Variants in ANKRD12 observed in about 807,000 individuals in gnomAD.
The protein encoded by ANKRD12 is ankyrin repeat domain 12.
Under a neutral mutation model 183.4 loss-of-function variants are expected in ANKRD12, and 85 were observed. The observed-to-expected ratio is 0.46, with a 90% CI of 0.39 to 0.56. The LOEUF is 0.56. Among genes scored for constraint, ANKRD12 ranks in the 20% least tolerant of loss-of-function variants. The pLI, the probability that ANKRD12 is intolerant of heterozygous loss-of-function variation, is 0.00. For missense variants in ANKRD12, 2,405 were observed against 2,357.1 expected (o/e 1.02, Z -0.42); for synonymous variants, 914 against 800.2 (o/e 1.14, Z -2.40).
At chr18:9,164,803 A>T (rs2031856955) in intron 1 of ANKRD12, among the ~76,000 whole-genome samples, 1 of 152,142 alleles carries the variant, frequency 6.6e-6, no homozygotes, top group South Asian at 2.1e-4. Flanking sequence ...GGAGTGTTTT[A>T]TTAATAATTG....
In ANKRD12 at chr18:9,258,381, C is replaced by T; in HGVS notation, c.5114C>T (p.Pro1705Leu). The T allele has an allele frequency of 6.2e-7, 1 of 1,613,638 alleles. No individual in the cohort carries two copies. Among genetic ancestry groups the T allele is most frequent in the Non-Finnish European group, 8.5e-7 (1 of 1,179,884 alleles). ...AACCATTCACAGCAGTCAACTCAAC[C>T]AGAAATGCATAAATATGGTCAGTTA... The part of the protein sequence containing the change: ...LENHSQQSTQ[P>L]EMHKYGQLVK... Residue 1705 changes from proline (P) to leucine (L), a missense_variant, in exon 9 of 13, where the codon CCA becomes CTA. This residue lies in a region of ANKRD12 where 1,983 missense variants were observed against 1,725.9 expected (regional missense o/e 1.15). Coordinates refer to ENST00000262126, the MANE Select transcript of ANKRD12 (RefSeq NM_015208.5).
intron 8 of ANKRD12, 134 bp downstream of exon 8, chr18:9,222,133 A>G: frequency 9.1e-7 from 1 of 1,102,352 alleles, no homozygotes; most frequent in Non-Finnish European, 1.3e-6. Flanking sequence ...ATGCTTAGCT[A>G]ACTAGCTAAG....
At chr18:9,278,783 CA>C (rs567385765) in intron 11 of ANKRD12, among the ~76,000 whole-genome samples, 160 of 136,230 alleles carry the variant, frequency 1.2e-3, no homozygotes, top group East Asian at 4.2e-3. Context: ...GACTCCATCT[CA>C]AAAAAAAAAA....
chr18:9,141,736 A>G (rs2078322516), intron 1 of ANKRD12, among the ~76,000 whole-genome samples: 1 of 152,192 alleles, frequency 6.6e-6, no homozygotes, highest in South Asian at 2.1e-4. Flanking sequence ...AAAATATGTA[A>G]TAGTTTACCT....
At chr18:9,272,870 A>C (rs1424672423) in intron 10 of ANKRD12, among the ~76,000 whole-genome samples, 2 of 152,128 alleles carry the variant, frequency 1.3e-5, no homozygotes, top group Non-Finnish European at 2.9e-5. Flanking sequence ...ACTCTGCAAT[A>C]ATACATTTTT....
intron 1 of ANKRD12, among the ~76,000 whole-genome samples, chr18:9,182,151 C>CT (rs912786960): frequency 2.0e-5 from 3 of 152,144 alleles, no homozygotes; most frequent in African/African-American, 7.2e-5. Context: ...ATACCCAAAA[C>CT]TGGAGATGTT....
intron 1 of ANKRD12, among the ~76,000 whole-genome samples, chr18:9,138,043 G>A (rs543293056): frequency 6.6e-6 from 1 of 152,368 alleles, no homozygotes; most frequent in African/African-American, 2.4e-5. Context: ...CTAAGGTGAA[G>A]TGTGTTGCAG....
At chr18:9,262,544 C>T (rs2039030389) in intron 9 of ANKRD12, among the ~76,000 whole-genome samples, 1 of 152,126 alleles carries the variant, frequency 6.6e-6, no homozygotes, top group African/African-American at 2.4e-5. Context: ...ACTGCAGCCT[C>T]AAACTTCTGG....
At chr18:9,219,912 G>A (rs1365572077) in intron 7 of ANKRD12, among the ~76,000 whole-genome samples, 2 of 152,112 alleles carry the variant, frequency 1.3e-5, no homozygotes, top group African/African-American at 4.8e-5. Context: ...CTCACCCTGG[G>A]TAGATTACTG....
chr18:9,264,645 A>C (rs1445068233), intron 10 of ANKRD12, among the ~76,000 whole-genome samples: 5 of 152,246 alleles, frequency 3.3e-5, no homozygotes, highest in Non-Finnish European at 5.9e-5. Context: ...AAAGAGAAGC[A>C]ACAAATGAAA....
At position 9,256,072 on chromosome 18, in the gene ANKRD12, TAAAC is replaced by T. The variant is rs767653355; in HGVS notation, c.2808_2811del (p.Lys936AsnfsTer22). The T allele has an allele frequency of 7.7e-6, 12 of 1,557,422 alleles. No homozygotes were observed. Among genetic ancestry groups the T allele is most frequent in the African/African-American group, 1.4e-5 (1 of 71,344 alleles). ...AAAAGCACTTGATGGAGAAAAAAAA[TAAAC>T]AATCAGATAATAGTGAATACAGTAA... On this transcript the variant is annotated frameshift_variant, in exon 9 of 13. Coordinates refer to ENST00000262126, the MANE Select transcript of ANKRD12 (RefSeq NM_015208.5). LOFTEE classifies it high-confidence loss of function.
chr18:9,204,230 A>G lies in ANKRD12; in HGVS notation c.236-246A>G, dbSNP rs74355436. On this transcript the variant is annotated intron_variant, in intron 3 of 12. Transcript: ENST00000262126. Reference sequence around the variant, plus strand: ...TGTTTTAATATATAACATCAGTAATACCTGTTATTGAAACTGCATGGTTGA... The same window carrying G: ...TGTTTTAATATATAACATCAGTAATGCCTGTTATTGAAACTGCATGGTTGA... Among the ~76,000 whole-genome samples the G allele has an allele frequency of 2.8e-3, 422 of 152,362 alleles. 4 individuals are homozygous for G. The East Asian group carries it at 0.059, about 21-fold the overall frequency.
intron 1 of ANKRD12, among the ~76,000 whole-genome samples, chr18:9,145,913 C>A (rs1466913420): frequency 6.6e-6 from 1 of 152,262 alleles, no homozygotes; most frequent in East Asian, 1.9e-4. Flanking sequence ...AACTTAAAAT[C>A]TAGCAAGAAG....
At chr18:9,231,780 A>T (rs1206165300) in intron 8 of ANKRD12, among the ~76,000 whole-genome samples, 2 of 144,036 alleles carry the variant, frequency 1.4e-5, no homozygotes, top group African/African-American at 2.6e-5. Flanking sequence ...GGCTGAGATC[A>T]TGCCACTGCA....
chr18:9,219,103 G>A (rs1391603733), intron 7 of ANKRD12, among the ~76,000 whole-genome samples: 2 of 152,134 alleles, frequency 1.3e-5, no homozygotes, highest in African/African-American at 2.4e-5. Flanking sequence ...TGCATTTGAG[G>A]ATGAGCTGTA....
In ANKRD12 at chr18:9,285,197, A is replaced by G. The variant is rs2040195607; in HGVS notation, c.*4071A>G. The G allele has an allele frequency of 6.7e-6, 1 of 149,300 alleles. No individual in the cohort carries two copies. The highest frequency in any genetic ancestry group is 1.5e-5 in the Non-Finnish European group (1 of 67,164). The allele number at this position is 149,300 out of a possible 1,614,324, so 9.2% of individuals were successfully genotyped here. On this transcript the variant is annotated 3_prime_UTR_variant, in exon 13 of 13. Transcript: ENST00000262126. ...GCACTCCAGCCTGGGCGACAGAGCG[A>G]GACTCCGTCTCAAAAAAAAAAAAAA...
chr18:9,234,146 C>T (rs1177737665), intron 8 of ANKRD12, among the ~76,000 whole-genome samples: 1 of 152,164 alleles, frequency 6.6e-6, no homozygotes, highest in Non-Finnish European at 1.5e-5. Context: ...CGTACACAGG[C>T]CCCAGCACAA....
rs567263355 is a variant in ANKRD12, at chr18:9,159,496, A to G, written c.-52+22531A>G. Among the ~76,000 whole-genome samples, 44 of 152,014 alleles carry G rather than the reference A, an allele frequency of 2.9e-4. No homozygotes were observed. In the South Asian group the frequency reaches 5.4e-3, roughly 19 times the overall value. Reference sequence around the variant, plus strand: ...GCCCAGGCTGGGGTGCAGTGGCGCAATCTCGGCTCACTGGAATCTCTGCCT... The same window carrying G: ...GCCCAGGCTGGGGTGCAGTGGCGCAGTCTCGGCTCACTGGAATCTCTGCCT... On this transcript the variant is annotated intron_variant, in intron 1 of 12. Coordinates refer to ENST00000262126, the MANE Select transcript of ANKRD12 (RefSeq NM_015208.5).
At position 9,285,797 on chromosome 18, in the gene ANKRD12, T is replaced by C. The variant is rs2040204950; in HGVS notation, c.*4671T>C. Reference sequence around the variant, plus strand: ...TTCATAGAAATAGAGTCATACATACTTCCTTGTCTGCCTTGTTTCTCAACA... The same window carrying C: ...TTCATAGAAATAGAGTCATACATACCTCCTTGTCTGCCTTGTTTCTCAACA... On this transcript the variant is annotated 3_prime_UTR_variant, in exon 13 of 13. Coordinates refer to ENST00000262126, the MANE Select transcript of ANKRD12 (RefSeq NM_015208.5). 1 of 152,188 alleles carries C rather than the reference T, an allele frequency of 6.6e-6. No homozygotes were observed. Among genetic ancestry groups the C allele is most frequent in the Admixed American group, 6.6e-5 (1 of 15,264 alleles). 9.4% of individuals were successfully genotyped at this position (152,188 alleles called of 1,614,324 possible).
Sources: gnomAD v4.1 joint callset for allele counts (sites outside exome capture counted in the v4.1 genomes callset) on GRCh38, gnomAD v4.1.1 for gene constraint, gnomAD v4.1.1 regional missense constraint, MANE v1.5 for transcripts, NCBI Gene and HGNC (gene_info 2026-07-23, HGNC 2026-07-21) for gene names.